Variants in FBXO34 observed in about 807,000 individuals in gnomAD.
FBXO34 encodes F-box protein 34, also known as F-box only protein 34.
FBXO34 carries 12 observed loss-of-function variants against 24.5 expected under a neutral mutation model. The observed-to-expected ratio is 0.49, with a 90% confidence interval of 0.31 to 0.79. FBXO34 has a LOEUF of 0.79. Ranked by LOEUF, FBXO34 falls within the 30% of genes least tolerant of loss-of-function variation. FBXO34 has a pLI of 0.04. For synonymous variants in FBXO34, 320 were observed against 311.9 expected (o/e 1.03, Z -0.27); for missense variants, 823 against 857.7 (o/e 0.96, Z 0.51).
chr14:55,331,103 A>G (rs537361310), intron 1 of FBXO34, among the ~76,000 whole-genome samples: 2 of 152,140 alleles, frequency 1.3e-5, no homozygotes, highest in Admixed American at 6.5e-5. Flanking sequence ...TTTTTTTTAG[A>G]CTTGTGAAAC....
chr14:55,382,515 G>C, the FBXO34 span, among the ~76,000 whole-genome samples: 1 of 151,870 alleles, frequency 6.6e-6, no homozygotes, highest in African/African-American at 2.4e-5. Context: ...GTAGAGATGG[G>C]GTCTCACTTT....
chr14:55,409,563 A>G, the FBXO34 span, among the ~76,000 whole-genome samples: 15 of 86,012 alleles, frequency 1.7e-4, no homozygotes, highest in Admixed American at 1.6e-3. Flanking sequence ...CAGGCACCTA[A>G]AAAAAAAAAC....
At chr14:55,384,105 G>A in the FBXO34 span, among the ~76,000 whole-genome samples, 4 of 152,282 alleles carry the variant, frequency 2.6e-5, no homozygotes, top group Non-Finnish European at 5.9e-5. Flanking sequence ...CCCACAAGAA[G>A]TTGAGAGAAA....
chr14:55,423,655 T>C, the FBXO34 span, among the ~76,000 whole-genome samples: 2 of 152,212 alleles, frequency 1.3e-5, no homozygotes, highest in Non-Finnish European at 2.9e-5. Flanking sequence ...ATAACACACA[T>C]AAATTATGTC....
chr14:55,401,820 T>C, the FBXO34 span, among the ~76,000 whole-genome samples: 1 of 152,186 alleles, frequency 6.6e-6, no homozygotes, highest in African/African-American at 2.4e-5. Context: ...GAGCGCTGCC[T>C]GTCCAAGCTG....
At chr14:55,381,448 T>C in the FBXO34 span, among the ~76,000 whole-genome samples, 1 of 152,176 alleles carries the variant, frequency 6.6e-6, no homozygotes, top group Non-Finnish European at 1.5e-5. Context: ...TCCTCTTACA[T>C]AAACAAGACA....
chr14:55,428,482 C>T, the FBXO34 span, among the ~76,000 whole-genome samples: 1 of 152,070 alleles, frequency 6.6e-6, no homozygotes, highest in African/African-American at 2.4e-5. Flanking sequence ...GGGCCTCTGA[C>T]CAGTAGCACT....
chr14:55,415,030 C>T, the FBXO34 span, among the ~76,000 whole-genome samples: 1 of 152,156 alleles, frequency 6.6e-6, no homozygotes, highest in Non-Finnish European at 1.5e-5. Flanking sequence ...GTAGGAATTA[C>T]AGGGATAAAA....
chr14:55,431,608 TC>T, the FBXO34 span, among the ~76,000 whole-genome samples: 1 of 152,336 alleles, frequency 6.6e-6, no homozygotes, highest in East Asian at 1.9e-4. Flanking sequence ...AAATGGAGAT[TC>T]CTGGGATCAA....
the FBXO34 span, among the ~76,000 whole-genome samples, chr14:55,384,255 G>C: frequency 0.3 from 46,215 of 152,110 alleles, 7,310 homozygotes; most frequent in Non-Finnish European, 0.34. Flanking sequence ...TTCTCCTCGT[G>C]TGTGTATTTT....
At chr14:55,410,500 A>G in the FBXO34 span, among the ~76,000 whole-genome samples, 2 of 152,246 alleles carry the variant, frequency 1.3e-5, no homozygotes, top group African/African-American at 4.8e-5. Context: ...AATAAGACAC[A>G]GCAACAAAAC....
chr14:55,377,381 G>C, the FBXO34 span, among the ~76,000 whole-genome samples: 25 of 152,084 alleles, frequency 1.6e-4, no homozygotes, highest in Non-Finnish European at 2.8e-4. Context: ...TGTTACGACG[G>C]ACAAGGAGTG....
intron 1 of FBXO34, among the ~76,000 whole-genome samples, chr14:55,275,772 C>T (rs1365680608): frequency 6.3e-5 from 9 of 142,798 alleles, no homozygotes; most frequent in South Asian, 4.5e-4. Context: ...TGCAGTGAAC[C>T]GAGATGGCGC....
At chr14:55,429,115 T>A in the FBXO34 span, 2 of 984,260 alleles carry the variant, frequency 2.0e-6, no homozygotes, top group Non-Finnish European at 2.9e-6. Flanking sequence ...GAGGAGGACT[T>A]ACTTCCCATA....
chr14:55,357,108 A>G (rs549732343), downstream of FBXO34, among the ~76,000 whole-genome samples: 13 of 152,248 alleles, frequency 8.5e-5, no homozygotes, highest in African/African-American at 2.6e-4. Flanking sequence ...GCCATAGCTG[A>G]TGTTTGCACA....
chr14:55,356,107 C>T (rs190967692), downstream of FBXO34, among the ~76,000 whole-genome samples: 8 of 152,340 alleles, frequency 5.3e-5, no homozygotes, highest in East Asian at 1.5e-3. Context: ...AGGTTCCCTT[C>T]CTGGGCTTTG....
At chr14:55,360,558 G>T (rs1387046989) in intron 3 of FBXO34, among the ~76,000 whole-genome samples, 1 of 152,014 alleles carries the variant, frequency 6.6e-6, no homozygotes, top group African/African-American at 2.4e-5. Flanking sequence ...CATAAGGATT[G>T]GAATCAACTC....
chr14:55,344,826 C>T (rs1432620619), intron 1 of FBXO34, among the ~76,000 whole-genome samples: 3 of 151,942 alleles, frequency 2.0e-5, no homozygotes, highest in Admixed American at 1.3e-4. Flanking sequence ...GTTTGGTTTT[C>T]TGTTCCTGTG....
chr14:55,278,332 G>A (rs1301787696), intron 1 of FBXO34, among the ~76,000 whole-genome samples: 1 of 152,118 alleles, frequency 6.6e-6, no homozygotes, highest in East Asian at 1.9e-4. Context: ...AGTCCAAAGG[G>A]ATGGGTATTG....
Sources: allele counts gnomAD v4.1 joint callset (sites outside exome capture counted in the v4.1 genomes callset), GRCh38; gene constraint gnomAD v4.1.1; transcripts MANE v1.5; gene names NCBI Gene and HGNC (gene_info 2026-07-23, HGNC 2026-07-21).